CSMD1: variants seen among roughly 807,000 people sequenced by gnomAD.
CSMD1 encodes the protein CUB and sushi domain-containing protein 1.
A neutral mutation model predicts 417.5 loss-of-function variants in CSMD1; 213 were observed. The observed-to-expected ratio is 0.51, with a 90% CI of 0.46 to 0.57. The LOEUF is 0.57. Ranked by LOEUF, CSMD1 falls within the 20% of genes least tolerant of loss-of-function variation. CSMD1 has a pLI of 0.00. For missense variants in CSMD1, 6,923 were observed against 4,529.7 expected (o/e 1.53, Z -15.17); for synonymous variants, 2,862 against 1,736.8 (o/e 1.65, Z -16.11).
At chr8:3,505,266 C>A (rs559646242) in intron 10 of CSMD1, among the ~76,000 whole-genome samples, 12 of 152,176 alleles carry the variant, frequency 7.9e-5, no homozygotes, top group East Asian at 3.9e-4. Context: ...CGATAAAATG[C>A]AGAATTAACA....
chr8:4,905,983 C>T (rs1478845715), intron 1 of CSMD1, among the ~76,000 whole-genome samples: 1 of 152,088 alleles, frequency 6.6e-6, no homozygotes, highest in East Asian at 1.9e-4. Flanking sequence ...ATACTTTCGG[C>T]AACACCACTT....
intron 10 of CSMD1, among the ~76,000 whole-genome samples, chr8:3,502,877 T>C (rs997500690): frequency 2.6e-5 from 4 of 152,088 alleles, no homozygotes; most frequent in Admixed American, 6.5e-5. Context: ...TCAGCATGAA[T>C]CAATGTTCAT....
At chr8:3,379,571 C>G (rs192674365) in intron 18 of CSMD1, among the ~76,000 whole-genome samples, 1 of 152,144 alleles carries the variant, frequency 6.6e-6, no homozygotes, top group Non-Finnish European at 1.5e-5. Context: ...TGGAACAGAA[C>G]AGAGGTCTCT....
At chr8:3,823,703 A>C (rs1441077726) in intron 5 of CSMD1, among the ~76,000 whole-genome samples, 2 of 152,184 alleles carry the variant, frequency 1.3e-5, no homozygotes, top group Non-Finnish European at 2.9e-5. Flanking sequence ...TGAACCATTT[A>C]ACTTACGCTT....
intron 1 of CSMD1, among the ~76,000 whole-genome samples, chr8:4,682,955 CATATATATATATATATATATAT>C (rs10566841): frequency 4.2e-5 from 5 of 118,466 alleles, no homozygotes; most frequent in Admixed American, 8.5e-5. Flanking sequence ...TAAGTATCTT[CATATATATATATATATATATAT>C]ATATATATAT....
rs1455317522 is a variant in CSMD1, at chr8:3,850,939, T to C, written c.819-96897A>G. Reference sequence around the variant, plus strand: ...CTAATTTAAAAGAAATAAGAATTACTTCTTTTAACTTGTTGTTATATAAAA... The same window carrying C: ...CTAATTTAAAAGAAATAAGAATTACCTCTTTTAACTTGTTGTTATATAAAA... On this transcript the variant is annotated intron_variant, in intron 5 of 69. Transcript: ENST00000635120. Among the ~76,000 whole-genome samples the C allele has an allele frequency of 3.3e-5, 5 of 152,322 alleles. No homozygotes were observed. The South Asian group carries it at 6.2e-4, about 19-fold the overall frequency.
At chr8:4,306,469 G>C (rs963051338) in intron 3 of CSMD1, among the ~76,000 whole-genome samples, 1 of 152,168 alleles carries the variant, frequency 6.6e-6, no homozygotes, top group Non-Finnish European at 1.5e-5. Context: ...TCCATATTGT[G>C]AATGCCTCAG....
At chr8:4,237,658 G>T (rs1802148912) in intron 3 of CSMD1, among the ~76,000 whole-genome samples, 1 of 152,020 alleles carries the variant, frequency 6.6e-6, no homozygotes, top group Admixed American at 6.6e-5. Flanking sequence ...TGAGACTGGA[G>T]GTGTGCACCA....
At chr8:3,422,945 T>C (rs1252361868) in intron 12 of CSMD1, among the ~76,000 whole-genome samples, 1 of 152,170 alleles carries the variant, frequency 6.6e-6, no homozygotes, top group Non-Finnish European at 1.5e-5. Flanking sequence ...GTAGATTCTC[T>C]TTGTTAAGCT....
chr8:4,349,446 A>G (rs1331007183), intron 3 of CSMD1, among the ~76,000 whole-genome samples: 1 of 152,204 alleles, frequency 6.6e-6, no homozygotes, highest in East Asian at 1.9e-4. Flanking sequence ...CAGATTTACA[A>G]CTAGTGATAT....
intron 5 of CSMD1, among the ~76,000 whole-genome samples, chr8:3,829,198 G>C (rs553453007): frequency 2.0e-5 from 3 of 152,016 alleles, no homozygotes; most frequent in Non-Finnish European, 4.4e-5. Context: ...TTTCCCCCAA[G>C]TCCTCAAAGT....
Position 3,314,056 on chromosome 8 carries a change from TG to T in CSMD1, c.3632-5554del, listed in dbSNP as rs562499054. Among the ~76,000 whole-genome samples, 439 of 151,064 alleles carry T rather than the reference TG, an allele frequency of 2.9e-3. 2 individuals carry two copies. Among genetic ancestry groups the T allele is most frequent in the Admixed American group, 5.1e-3 (77 of 15,068 alleles). On this transcript the variant is annotated intron_variant, in intron 23 of 69. Coordinates refer to ENST00000635120, the MANE Select transcript of CSMD1 (RefSeq NM_033225.6). ...AACACCTCATGTTCTCACTCATAGG[TG>T]GGAATTGAACAATGAGAACACATGG...
intron 3 of CSMD1, among the ~76,000 whole-genome samples, chr8:4,387,040 A>T (rs1803499607): frequency 6.6e-6 from 1 of 152,166 alleles, no homozygotes; most frequent in African/African-American, 2.4e-5. Flanking sequence ...TACATGGGGG[A>T]TATCCAGATT....
In CSMD1 at chr8:2,962,560, G is replaced by A. The variant is rs1803582492; in HGVS notation, c.9534C>T (p.Phe3178=). 2 of 1,613,904 alleles carry A rather than the reference G, an allele frequency of 1.2e-6. No homozygotes were observed. The highest frequency in any genetic ancestry group is 1.7e-6 in the Non-Finnish European group (2 of 1,179,840). The part of the protein sequence containing the change: ...GKSFTYKSEV[F]FQCKSPFILV... ...GTATAAATGGAGATTTGCACTGGAAGAAGACTTCGGACTTATAGGTGAAAC... is the reference window on the plus strand; with the variant it reads ...GTATAAATGGAGATTTGCACTGGAAAAAGACTTCGGACTTATAGGTGAAAC... The change falls in exon 61 of 70, where the codon TTC becomes TTT. Residue 3178 remains phenylalanine, a synonymous_variant. Coordinates refer to ENST00000635120, the MANE Select transcript of CSMD1 (RefSeq NM_033225.6).
intron 3 of CSMD1, among the ~76,000 whole-genome samples, chr8:4,345,318 A>G (rs572678920): frequency 6.6e-6 from 1 of 152,282 alleles, no homozygotes; most frequent in Admixed American, 6.5e-5. Context: ...AGAAGGTAAC[A>G]TATAAATCTT....
chr8:4,647,468 G>A (rs565398607), intron 1 of CSMD1, among the ~76,000 whole-genome samples: 115 of 148,116 alleles, frequency 7.8e-4, no homozygotes, highest in African/African-American at 2.5e-3. Context: ...GGCCTGCTAC[G>A]TAGGTACGCG....
At chr8:3,274,526 G>T (rs1265854287) in intron 26 of CSMD1, among the ~76,000 whole-genome samples, 1 of 152,004 alleles carries the variant, frequency 6.6e-6, no homozygotes, top group Non-Finnish European at 1.5e-5. Flanking sequence ...TTGACAGTGG[G>T]GTGTTAAAGT....
intron 3 of CSMD1, among the ~76,000 whole-genome samples, chr8:4,207,191 G>A (rs534355859): frequency 3.8e-4 from 58 of 152,236 alleles, no homozygotes; most frequent in African/African-American, 1.0e-3. Flanking sequence ...ACAAGTTGAC[G>A]TAGATAGGAA....
At chr8:4,883,021 C>A (rs1337650413) in intron 1 of CSMD1, among the ~76,000 whole-genome samples, 2 of 152,152 alleles carry the variant, frequency 1.3e-5, no homozygotes, top group African/African-American at 4.8e-5. Flanking sequence ...GAGCTCCTTT[C>A]CACAAAGCAC....
Sources: allele counts gnomAD v4.1 joint callset (sites outside exome capture counted in the v4.1 genomes callset), GRCh38; gene constraint gnomAD v4.1.1; transcripts MANE v1.5; gene names NCBI Gene and HGNC (gene_info 2026-07-23, HGNC 2026-07-21).